The following PPARGC1A variants were observed in gnomAD, a reference collection of about 807,000 sequenced individuals.
PPARGC1A encodes PPARG coactivator 1 alpha.
PPARGC1A carries 25 observed loss-of-function variants against 88.7 expected under a neutral mutation model. The observed-to-expected ratio is 0.28, with a 90% confidence interval of 0.21 to 0.39. The LOEUF is 0.39. Ranked by LOEUF, PPARGC1A falls within the 10% of genes least tolerant of loss-of-function variation. The pLI is 1.00. For missense variants in PPARGC1A, 880 were observed against 968.7 expected, an observed-to-expected ratio of 0.91 and a Z score of 1.22; for synonymous variants, 363 against 355.6, an observed-to-expected ratio of 1.02 and a Z score of -0.24.
At chr4:24,171,031 C>G in the PPARGC1A span, among the ~76,000 whole-genome samples, 5 of 152,184 alleles carry the variant, frequency 3.3e-5, no homozygotes, top group East Asian at 7.8e-4. Context: ...GCTCTTCCCC[C>G]ATATACTCAC....
chr4:24,018,501 G>A, the PPARGC1A span, among the ~76,000 whole-genome samples: 1 of 151,914 alleles, frequency 6.6e-6, no homozygotes, highest in Non-Finnish European at 1.5e-5. Context: ...TGATGAGGGG[G>A]GGCAAACCAT....
the PPARGC1A span, among the ~76,000 whole-genome samples, chr4:24,162,822 G>C: frequency 2.0e-5 from 3 of 151,996 alleles, no homozygotes; most frequent in African/African-American, 7.2e-5. Context: ...TCGCACCCCT[G>C]ACCTCAGGTG....
At chr4:23,970,532 G>C in the PPARGC1A span, among the ~76,000 whole-genome samples, 1 of 152,184 alleles carries the variant, frequency 6.6e-6, no homozygotes, top group African/African-American at 2.4e-5. Flanking sequence ...GTAATGCGTG[G>C]TTACTGAGGG....
the PPARGC1A span, among the ~76,000 whole-genome samples, chr4:23,962,170 A>AT: frequency 6.6e-6 from 1 of 151,998 alleles, no homozygotes; most frequent in Non-Finnish European, 1.5e-5. Context: ...CAAGGGGACA[A>AT]TTTTTTTCTA....
the PPARGC1A span, among the ~76,000 whole-genome samples, chr4:24,088,311 T>G: frequency 6.6e-6 from 1 of 151,756 alleles, no homozygotes. Flanking sequence ...GCCATGATTG[T>G]GTCACTGCAC....
chr4:24,129,105 G>A, the PPARGC1A span, among the ~76,000 whole-genome samples: 1 of 152,198 alleles, frequency 6.6e-6, no homozygotes, highest in African/African-American at 2.4e-5. Flanking sequence ...AGATTAAAAT[G>A]AACTTTCTGG....
the PPARGC1A span, among the ~76,000 whole-genome samples, chr4:24,232,253 G>A: frequency 9.2e-5 from 14 of 151,798 alleles, no homozygotes; most frequent in Admixed American, 6.6e-4. Flanking sequence ...CAGAATCACA[G>A]CTGATTCTTT....
the PPARGC1A span, among the ~76,000 whole-genome samples, chr4:23,955,816 T>G: frequency 2.6e-5 from 4 of 152,120 alleles, no homozygotes; most frequent in Non-Finnish European, 5.9e-5. Context: ...AAAATTTAAG[T>G]AACTAATTAC....
chr4:23,958,787 G>C, the PPARGC1A span, among the ~76,000 whole-genome samples: 1 of 151,994 alleles, frequency 6.6e-6, no homozygotes, highest in East Asian at 1.9e-4. Flanking sequence ...CTCAGACATG[G>C]AATAAAAATA....
the PPARGC1A span, among the ~76,000 whole-genome samples, chr4:24,374,589 AG>A: frequency 2.0e-5 from 3 of 152,108 alleles, no homozygotes; most frequent in African/African-American, 7.2e-5. Context: ...AAGGATCTGA[AG>A]AGACATTTCT....
At chr4:24,332,475 G>GT in the PPARGC1A span, among the ~76,000 whole-genome samples, 2 of 152,164 alleles carry the variant, frequency 1.3e-5, no homozygotes, top group Non-Finnish European at 2.9e-5. Context: ...CTAGAACAGA[G>GT]TAAATCCTCA....
At chr4:24,138,159 A>G in the PPARGC1A span, among the ~76,000 whole-genome samples, 1 of 152,200 alleles carries the variant, frequency 6.6e-6, no homozygotes, top group Admixed American at 6.5e-5. Flanking sequence ...AGTTAGAACA[A>G]CAAACACACT....
the PPARGC1A span, among the ~76,000 whole-genome samples, chr4:24,238,020 G>A: frequency 2.6e-5 from 4 of 152,158 alleles, no homozygotes; most frequent in Non-Finnish European, 5.9e-5. Context: ...TGAGGAAATC[G>A]ACACACAGAG....
chr4:24,209,899 A>G, the PPARGC1A span, among the ~76,000 whole-genome samples: 15 of 152,352 alleles, frequency 9.8e-5, no homozygotes, highest in African/African-American at 3.6e-4. Flanking sequence ...AAATCATTAG[A>G]CTAGAGAAAG....
chr4:24,217,634 C>G, the PPARGC1A span, among the ~76,000 whole-genome samples: 3 of 152,144 alleles, frequency 2.0e-5, no homozygotes, highest in East Asian at 5.8e-4. Context: ...GAAACCTCAT[C>G]TCTCCTAAAA....
the PPARGC1A span, among the ~76,000 whole-genome samples, chr4:24,412,518 T>C: frequency 6.6e-6 from 1 of 152,218 alleles, no homozygotes; most frequent in East Asian, 1.9e-4. Context: ...CTCACTCTTG[T>C]TGCCCATGCT....
chr4:23,825,951 A>G (rs1723855154), intron 5 of PPARGC1A, among the ~76,000 whole-genome samples: 2 of 152,216 alleles, frequency 1.3e-5, no homozygotes, highest in Non-Finnish European at 1.5e-5. Context: ...AATAATTAGG[A>G]TAATTCATAC....
At chr4:24,449,161 T>C in the PPARGC1A span, among the ~76,000 whole-genome samples, 1 of 152,142 alleles carries the variant, frequency 6.6e-6, no homozygotes, top group Non-Finnish European at 1.5e-5. Context: ...CCCCTTATCC[T>C]AACCAATCAA....
At chr4:24,150,064 A>C in the PPARGC1A span, among the ~76,000 whole-genome samples, 1 of 152,198 alleles carries the variant, frequency 6.6e-6, no homozygotes, top group African/African-American at 2.4e-5. Context: ...TCCTTACTTA[A>C]GATGAAAAAC....
Sources: allele counts gnomAD v4.1 joint callset (sites outside exome capture counted in the v4.1 genomes callset), GRCh38; gene constraint gnomAD v4.1.1; transcripts MANE v1.5; gene names NCBI Gene and HGNC (gene_info 2026-07-23, HGNC 2026-07-21).